Variants in MGRN1 observed in about 807,000 individuals in gnomAD.
MGRN1 encodes mahogunin ring finger 1.
Under a neutral mutation model 69.2 loss-of-function variants are expected in MGRN1, and 29 were observed. The observed-to-expected ratio is 0.42, with a 90% CI of 0.31 to 0.57. The LOEUF is 0.57. Ranked by LOEUF, MGRN1 falls within the 20% of genes least tolerant of loss-of-function variation. The pLI is 0.15. For missense variants in MGRN1, 998 were observed against 796.2 expected, an observed-to-expected ratio of 1.25 and a Z score of -3.05; for synonymous variants, 470 against 344.2, an observed-to-expected ratio of 1.37 and a Z score of -4.04.
intron 4 of MGRN1, among the ~76,000 whole-genome samples, chr16:4,656,736 C>G (rs970856133): frequency 4.6e-5 from 7 of 152,054 alleles, no homozygotes; most frequent in African/African-American, 1.7e-4. Flanking sequence ...AAATATTAGC[C>G]TAGCATGGTG....
At chr16:4,686,950 G>A in intron 16 of MGRN1, 1 of 985,464 alleles carries the variant, frequency 1.0e-6, no homozygotes, top group Non-Finnish European at 1.2e-6. Flanking sequence ...GGGCCCTCTG[G>A]TGCCCAGGGG....
At chr16:4,687,666 G>C (rs1055191771) in intron 16 of MGRN1, 20 of 985,084 alleles carry the variant, frequency 2.0e-5, no homozygotes, top group Middle Eastern at 5.2e-4. Flanking sequence ...AGACGGATTG[G>C]GGACCCTCTG....
At chr16:4,663,333 G>C (rs1395478850) in intron 5 of MGRN1, among the ~76,000 whole-genome samples, 2 of 146,146 alleles carry the variant, frequency 1.4e-5, no homozygotes, top group Non-Finnish European at 3.0e-5. Flanking sequence ...AAAGTGCTGG[G>C]ATTACAGGCG....
chr16:4,630,249 G>A (rs1284577874), intron 1 of MGRN1, among the ~76,000 whole-genome samples: 1 of 150,956 alleles, frequency 6.6e-6, no homozygotes. Context: ...CTAATTGGGA[G>A]GCCGAGGCAG....
chr16:4,687,053 C>T (rs1381191903), intron 16 of MGRN1: 1 of 985,588 alleles, frequency 1.0e-6, no homozygotes, highest in Non-Finnish European at 1.2e-6. Context: ...CCACCGTGGG[C>T]CTGGCATCAC....
intron 13 of MGRN1, 66 bp downstream of exon 13, chr16:4,681,842 T>C: frequency 1.4e-6 from 2 of 1,470,388 alleles, no homozygotes; most frequent in South Asian, 2.5e-5. Flanking sequence ...GCGGGTGTCT[T>C]TGTGGTTTCA....
intron 5 of MGRN1, chr16:4,664,315 C>G: frequency 3.5e-6 from 1 of 288,772 alleles, no homozygotes; most frequent in Non-Finnish European, 6.7e-6. Context: ...AATGGCAAAT[C>G]CCTGGAGACA....
chr16:4,670,898 G>T (rs2078923487), intron 8 of MGRN1, among the ~76,000 whole-genome samples: 1 of 152,256 alleles, frequency 6.6e-6, no homozygotes, highest in Admixed American at 6.5e-5. Context: ...TTGCAATGTG[G>T]TCAGCGTGAG....
chr16:4,655,674 G>A (rs372982959), intron 4 of MGRN1, among the ~76,000 whole-genome samples: 8 of 152,244 alleles, frequency 5.3e-5, no homozygotes, highest in African/African-American at 9.6e-5. Flanking sequence ...CTCAGGACGC[G>A]GTGCAAGGCC....
chr16:4,646,381 C>T (rs1346645993), intron 1 of MGRN1, among the ~76,000 whole-genome samples: 3 of 151,992 alleles, frequency 2.0e-5, no homozygotes, highest in Non-Finnish European at 2.9e-5. Context: ...AGTGATCGTG[C>T]CCCTGCACTC....
rs1157518931 is a variant in MGRN1 at position 4,657,738 on chromosome 16, C to CTTTT, written c.561+399_561+402dup. Among the ~76,000 whole-genome samples the CTTTT allele has an allele frequency of 2.9e-4, 22 of 77,000 alleles. 1 individual carries two copies. The highest frequency in any genetic ancestry group is 6.1e-4 in the Admixed American group (4 of 6,552). The allele number at this position is 77,000 out of a possible 152,430, so 50.5% of individuals were successfully genotyped here. On this transcript the variant is annotated intron_variant, in intron 5 of 16. Coordinates refer to ENST00000262370, the MANE Select transcript of MGRN1 (RefSeq NM_015246.4). The stretch of plus-strand genomic sequence containing the variant: ...TGTTTAAAATCTTGGTGCAGACATC[C>CTTTT]TTTTTTTTTTTTTTTTTTTTTTTTT...
chr16:4,633,970 A>C (rs1898147977), intron 1 of MGRN1: 2 of 152,302 alleles, frequency 1.3e-5, no homozygotes, highest in East Asian at 1.9e-4. Context: ...AAATTTTTTT[A>C]AAAAGGGCTT....
intron 1 of MGRN1, among the ~76,000 whole-genome samples, chr16:4,629,607 C>A (rs1482129592): frequency 1.3e-5 from 2 of 151,906 alleles, no homozygotes; most frequent in Non-Finnish European, 2.9e-5. Flanking sequence ...GGCGTGGTGG[C>A]ACACACCTGT....
intron 4 of MGRN1, among the ~76,000 whole-genome samples, chr16:4,655,725 G>C (rs1286678746): frequency 3.3e-5 from 5 of 152,184 alleles, no homozygotes; most frequent in African/African-American, 1.2e-4. Flanking sequence ...AGGACCTGGA[G>C]GCTCCAGGAC....
At chr16:4,669,982 A>T (rs1478646809) in intron 8 of MGRN1, among the ~76,000 whole-genome samples, 1 of 151,962 alleles carries the variant, frequency 6.6e-6, no homozygotes, top group African/African-American at 2.4e-5. Flanking sequence ...GTTGGGGCGC[A>T]TAAGACCTGT....
chr16:4,648,639 G>A (rs577368397), intron 1 of MGRN1, among the ~76,000 whole-genome samples: 1 of 88,158 alleles, frequency 1.1e-5, no homozygotes, highest in Non-Finnish European at 2.0e-5. Context: ...GACTCTTCCC[G>A]TGGTCACCCG....
At chr16:4,686,619 C>A in intron 16 of MGRN1, 1 of 1,179,808 alleles carries the variant, frequency 8.5e-7, no homozygotes, top group Non-Finnish European at 1.1e-6. Flanking sequence ...ACAGACACAG[C>A]CCAGGTGCGC....
intron 5 of MGRN1, among the ~76,000 whole-genome samples, chr16:4,663,837 C>A (rs987231118): frequency 1.3e-5 from 2 of 152,160 alleles, no homozygotes; most frequent in African/African-American, 4.8e-5. Flanking sequence ...GCCCTGGGGG[C>A]CGTGGGGAAG....
intron 7 of MGRN1, among the ~76,000 whole-genome samples, chr16:4,667,983 A>G (rs2078843017): frequency 6.6e-6 from 1 of 151,762 alleles, no homozygotes; most frequent in Admixed American, 6.6e-5. Flanking sequence ...TGTGCTTGAG[A>G]CCAACCGAGG....
Sources: allele counts gnomAD v4.1 joint callset (sites outside exome capture counted in the v4.1 genomes callset), GRCh38; gene constraint gnomAD v4.1.1; transcripts MANE v1.5; gene names NCBI Gene and HGNC (gene_info 2026-07-23, HGNC 2026-07-21).